Variants in OS9 observed in about 807,000 individuals in gnomAD.
OS9 encodes the protein protein OS-9.
Under a neutral mutation model 84.7 loss-of-function variants are expected in OS9, and 58 were observed. The observed-to-expected ratio is 0.68, with a 90% CI of 0.55 to 0.85. The LOEUF (loss-of-function observed/expected upper bound fraction) is 0.85, where lower values mean the gene tolerates loss of function less well. Among genes scored for constraint, OS9 ranks in the 40% least tolerant of loss-of-function variants. The pLI, the probability that OS9 is intolerant of heterozygous loss-of-function variation, is 0.00. For synonymous variants in OS9, 278 were observed against 320.8 expected (o/e 0.87, Z 1.43); for missense variants, 760 against 850.9 (o/e 0.89, Z 1.33).
rs768450909 is a variant in OS9, at chr12:57,694,913, C to G, written c.326C>G (p.Pro109Arg). 2.5e-6 allele frequency: 4 copies of G among 1,613,942 alleles called. No individual in the cohort carries two copies. The highest frequency in any genetic ancestry group is 3.4e-6 in the Non-Finnish European group (4 of 1,179,970). Residue 109 changes from proline (P) to arginine (R), a missense_variant, in exon 2 of 15, where the codon CCC becomes CGC. Pro to Arg is a moderately radical substitution (Grantham distance 103). Transcript: ENST00000315970. ...PELLSPMRDA[P>R]CLLKTKDWWT... ...TTGTTGAGCCCAATGAGAGATGCTC[C>G]CTGCTTGCTGAAGGTGAAAGGGACT...
intron 12 of OS9, chr12:57,719,436 G>C: frequency 2.0e-6 from 1 of 508,798 alleles, no homozygotes; most frequent in South Asian, 2.4e-5. Context: ...TGTACACCCA[G>C]TGCCTAGCAC....
chr12:57,695,977 G>T lies in OS9; in HGVS notation c.419G>T (p.Gly140Val). ...TCCCTTGCAGATTCAGAGATCAAAG[G>T]TGAAGTCCTCTATCTCGGCTACTAC... ...QYHMEDSEIK[G>V]EVLYLGYYQS... Residue 140 changes from glycine to valine, a missense_variant, in exon 4 of 15, where the codon GGT becomes GTT. Coordinates refer to ENST00000315970, the MANE Select transcript of OS9 (RefSeq NM_006812.4). 1 of 1,613,174 alleles carries T rather than the reference G, an allele frequency of 6.2e-7. No individual in the cohort carries two copies. The highest frequency in any genetic ancestry group is 8.5e-7 in the Non-Finnish European group (1 of 1,179,100).
rs774436957 is a variant in OS9, at chr12:57,718,373, G to A, written c.1362G>A (p.Ser454=). Residue 454 remains serine (S), a synonymous_variant, in exon 11 of 15, where the codon TCG becomes TCA. Coordinates refer to ENST00000315970, the MANE Select transcript of OS9 (RefSeq NM_006812.4). ...LLPSDRDRLR[S]EVKAGMEREL... is the part of the protein sequence containing the mutation. ...CGTCAGACCGAGACCGGCTCCGTTC[G>A]GAGGTGAAGGCTGGCATGGAGCGGG... The A allele has an allele frequency of 1.5e-5, 25 of 1,614,168 alleles. No individual in the cohort carries two copies. The highest frequency in any genetic ancestry group is 2.2e-5 in the South Asian group (2 of 91,072).
rs1261394617 is a variant in OS9, at chr12:57,717,893, A to G, written c.1069A>G (p.Lys357Glu). ...AGATTTTCAGAACAACGTGCAGGTC[A>G]AAGTCATTCGAAGCCCTGCGGATTT... ...PNDFQNNVQV[K>E]VIRSPADLIR... The change falls in exon 10 of 15, where the codon AAA becomes GAA. Residue 357 changes from lysine (K) to glutamate (E), a missense_variant. Coordinates refer to ENST00000315970, the MANE Select transcript of OS9 (RefSeq NM_006812.4). 1 of 1,612,564 alleles carries G rather than the reference A, an allele frequency of 6.2e-7. No individual in the cohort carries two copies. The highest frequency in any genetic ancestry group is 2.2e-5 in the East Asian group (1 of 44,870).
chr12:57,700,223 TG>T (rs1239986880), intron 5 of OS9, among the ~76,000 whole-genome samples: 1 of 151,976 alleles, frequency 6.6e-6, no homozygotes, highest in East Asian at 1.9e-4. Context: ...GGGCATTCTG[TG>T]GTTGGTGTGT....
rs993232737 is a variant in OS9 at position 57,717,740 on chromosome 12, C to G, written c.1046-130C>G. The G allele has an allele frequency of 1.3e-3, 818 of 613,928 alleles. 3 individuals are homozygous for G. The highest frequency in any genetic ancestry group is 1.4e-3 in the Non-Finnish European group (524 of 376,666). 38.0% of individuals were successfully genotyped at this position (613,928 alleles called of 1,614,324 possible). A position where few individuals can be genotyped will look rare whatever the true frequency, so the allele number is the denominator to read the frequency against. ...CCCGGGAGGCAGAGGTTGCAGTGAG[C>G]AGAGATTGCACCACTGTGCTCCAGC... On this transcript the variant is annotated intron_variant, in intron 9 of 14. Coordinates refer to ENST00000315970, the MANE Select transcript of OS9 (RefSeq NM_006812.4).
intron 5 of OS9, among the ~76,000 whole-genome samples, chr12:57,701,262 A>ATTTT (rs556973162): frequency 1.5e-4 from 11 of 71,470 alleles, no homozygotes; most frequent in African/African-American, 2.9e-4. Context: ...TGGTTGAGTG[A>ATTTT]TTTTTTTTTT....
intron 14 of OS9, 107 bp downstream of exon 14, chr12:57,720,625 A>G (rs998050035): frequency 3.0e-5 from 38 of 1,275,116 alleles, no homozygotes; most frequent in South Asian, 2.7e-4. Flanking sequence ...GATCTGTAAG[A>G]CAAGGCTGGG....
At chr12:57,701,202 T>C (rs1595037400) in intron 5 of OS9, among the ~76,000 whole-genome samples, 1 of 152,122 alleles carries the variant, frequency 6.6e-6, no homozygotes, top group Non-Finnish European at 1.5e-5. Context: ...ATCAACTTGT[T>C]TTTTTCACTG....
intron 5 of OS9, among the ~76,000 whole-genome samples, chr12:57,697,918 C>CGG (rs879684185): frequency 2.6e-5 from 2 of 76,406 alleles, no homozygotes; most frequent in Admixed American, 1.6e-4. Context: ...AACACACACA[C>CGG]ACACATACAC....
intron 3 of OS9, 58 bp downstream of exon 3, chr12:57,695,901 G>A: frequency 6.4e-7 from 1 of 1,562,012 alleles, no homozygotes; most frequent in Non-Finnish European, 8.8e-7. Context: ...AAGTTCCCCA[G>A]TTCCCTCCTC....
In OS9 at chr12:57,719,160, T is replaced by TC. The variant is rs749313706; in HGVS notation, c.1583dup (p.Ser529IlefsTer10). On this transcript the variant is annotated frameshift_variant, in exon 12 of 15. Coordinates refer to ENST00000315970, the MANE Select transcript of OS9 (RefSeq NM_006812.4). LOFTEE classifies it high-confidence loss of function. ...AAAAGAGGGTTGTCCCCAAAAAGCCTCCCCCATCACCCCAACCTACAGGTG... is the reference window on the plus strand; with the variant it reads ...AAAAGAGGGTTGTCCCCAAAAAGCCTCCCCCCATCACCCCAACCTACAGGTG... 6.2e-7 allele frequency: 1 copy of TC among 1,613,884 alleles called. No individual in the cohort carries two copies.
intron 5 of OS9, among the ~76,000 whole-genome samples, chr12:57,699,137 G>A (rs941069260): frequency 1.3e-5 from 2 of 152,146 alleles, no homozygotes; most frequent in African/African-American, 2.4e-5. Context: ...AGGGTGATTC[G>A]TGTTCCTGAG....
rs754652717 is a variant in OS9 at position 57,720,816 on chromosome 12, C to T, written c.1911C>T (p.Arg637=). 5.6e-6 allele frequency: 9 copies of T among 1,613,452 alleles called. No individual in the cohort carries two copies. The Admixed American group carries it at 1.2e-4, about 21-fold the overall frequency. ...GAGCTGAAGAGGCCCAGAAGGAACG[C>T]CAGCGGCAGAAAGAGCTGGAGAGCA... ...VPGAEEAQKE[R]QRQKELESNY... is the part of the protein sequence containing the mutation. The change falls in exon 15 of 15, where the codon CGC becomes CGT. Residue 637 remains arginine, a synonymous_variant. Transcript: ENST00000315970.
intron 5 of OS9, among the ~76,000 whole-genome samples, chr12:57,702,688 TA>T (rs2140302541): frequency 6.6e-6 from 1 of 152,348 alleles, no homozygotes; most frequent in Admixed American, 6.5e-5. Flanking sequence ...ACATTCCTAG[TA>T]GCAGTGCACA....
chr12:57,694,306 C>T lies in OS9; in HGVS notation c.145C>T (p.Pro49Ser). 1 of 1,614,038 alleles carries T rather than the reference C, an allele frequency of 6.2e-7. No homozygotes were observed. The highest frequency in any genetic ancestry group is 8.5e-7 in the Non-Finnish European group (1 of 1,180,024). The stretch of plus-strand genomic sequence containing the variant: ...TTATGGGATCGAGATCCTGCCGTTG[C>T]CTGTCATGGGAGGGCAGGTGAGAGG... Reference protein sequence around the residue: ...MRYGIEILPLPVMGGQSQSSD... With the variant: ...MRYGIEILPLSVMGGQSQSSD... Residue 49 changes from proline (P) to serine (S), a missense_variant, in exon 1 of 15, where the codon CCT (proline) becomes TCT (serine). Physicochemically the swap from Pro to Ser is moderately conservative, Grantham distance 74. Coordinates refer to ENST00000315970, the MANE Select transcript of OS9 (RefSeq NM_006812.4).
intron 5 of OS9, among the ~76,000 whole-genome samples, chr12:57,712,652 A>T (rs1262460305): frequency 6.6e-6 from 1 of 152,078 alleles, no homozygotes; most frequent in Non-Finnish European, 1.5e-5. Flanking sequence ...AATTGTTGAA[A>T]ATCAGACATT....
chr12:57,702,929 G>A (rs144027183), intron 5 of OS9, among the ~76,000 whole-genome samples: 61 of 152,102 alleles, frequency 4.0e-4, no homozygotes, highest in African/African-American at 1.5e-3. Flanking sequence ...TTTTTGAATT[G>A]AGTTGGTTTT....
rs1355214036 is a variant in OS9, at chr12:57,720,099, A to T, written c.1601A>T (p.Glu534Val). The T allele has an allele frequency of 6.2e-7, 1 of 1,613,342 alleles. No homozygotes were observed. The highest frequency in any genetic ancestry group is 8.5e-7 in the Non-Finnish European group (1 of 1,179,850). The change falls in exon 13 of 15, where the codon GAG (glutamate) becomes GTG (valine). Residue 534 changes from glutamate to valine, a missense_variant and splice_region_variant. Coordinates refer to ENST00000315970, the MANE Select transcript of OS9 (RefSeq NM_006812.4). The part of the protein sequence containing the change: ...KKPPPSPQPT[E>V]EDPEHRVRVR... ...TTCCCTGTGTGTCTCCCCCTCTAAG[A>T]GGAGGATCCTGAGCACAGAGTCCGG...
Sources: gnomAD v4.1 joint callset for allele counts (sites outside exome capture counted in the v4.1 genomes callset) on GRCh38, gnomAD v4.1.1 for gene constraint, MANE v1.5 for transcripts, NCBI Gene and HGNC (gene_info 2026-07-23, HGNC 2026-07-21) for gene names.